Variants in ATP2A2 observed in about 807,000 individuals in gnomAD.
ATP2A2 encodes ATPase sarcoplasmic/endoplasmic reticulum Ca2+ transporting 2.
ATP2A2 carries 14 observed loss-of-function variants against 109.3 expected under a neutral mutation model. The observed-to-expected ratio is 0.13, with a 90% CI of 0.08 to 0.20. The LOEUF (loss-of-function observed/expected upper bound fraction) is 0.20. Among genes scored for constraint, ATP2A2 ranks in the 10% least tolerant of loss-of-function variants. ATP2A2 has a pLI of 1.00. For missense variants in ATP2A2, 657 were observed against 1,321.6 expected (o/e 0.50, Z 7.80); for synonymous variants, 506 against 490.9 (o/e 1.03, Z -0.41).
intron 5 of ATP2A2, among the ~76,000 whole-genome samples, chr12:110,317,167 A>G (rs1180969625): frequency 6.6e-6 from 1 of 152,142 alleles, no homozygotes; most frequent in Admixed American, 6.6e-5. Flanking sequence ...CACGGTGAAA[A>G]TTTTGAGTCA....
intron 16 of ATP2A2, among the ~76,000 whole-genome samples, chr12:110,344,249 G>A (rs975671836): frequency 6.6e-6 from 1 of 152,076 alleles, no homozygotes; most frequent in Non-Finnish European, 1.5e-5. Flanking sequence ...TGTTGTTTTT[G>A]ATGCTACCAC....
intron 5 of ATP2A2, among the ~76,000 whole-genome samples, chr12:110,302,705 T>A (rs1041875516): frequency 6.6e-6 from 1 of 152,032 alleles, no homozygotes; most frequent in African/African-American, 2.4e-5. Flanking sequence ...TTCAAGTGAT[T>A]CTTGTGCCTC....
intron 3 of ATP2A2, among the ~76,000 whole-genome samples, chr12:110,287,161 G>C (rs974546155): frequency 2.0e-5 from 3 of 152,136 alleles, no homozygotes; most frequent in African/African-American, 7.2e-5. Flanking sequence ...GCTGAGGCAG[G>C]AGAATCGCTT....
chr12:110,323,228 A>C (rs1020281297), intron 6 of ATP2A2, among the ~76,000 whole-genome samples, 156 bp downstream of exon 6: 1 of 152,208 alleles, frequency 6.6e-6, no homozygotes, highest in Non-Finnish European at 1.5e-5. Flanking sequence ...TCCATTGCCC[A>C]GGCTGGAGTG....
Position 110,347,865 on chromosome 12 carries a change from C to CACTA in ATP2A2, c.*1399_*1402dup, listed in dbSNP as rs1247839028. ...GCCACCAAGTGAGATAACTGTATGTCACTAACTTATAAGCCGCCTCCATGG... is the reference window on the plus strand; with the variant it reads ...GCCACCAAGTGAGATAACTGTATGTCACTAACTAACTTATAAGCCGCCTCCATGG... On this transcript the variant is annotated 3_prime_UTR_variant, in exon 20 of 20. Coordinates refer to ENST00000539276, the MANE Select transcript of ATP2A2 (RefSeq NM_170665.4). 9.9e-6 allele frequency: 10 copies of CACTA among 1,006,848 alleles called. No homozygotes were observed. Among genetic ancestry groups the CACTA allele is most frequent in the African/African-American group, 5.2e-5 (3 of 57,768 alleles). The allele number at this position is 1,006,848 out of a possible 1,614,324, so 62.4% of individuals were successfully genotyped here.
intron 6 of ATP2A2, among the ~76,000 whole-genome samples, chr12:110,323,874 T>C (rs1046089809): frequency 2.6e-5 from 4 of 152,248 alleles, no homozygotes; most frequent in Admixed American, 2.0e-4. Flanking sequence ...GCAAATTACT[T>C]ATTCGATGTC....
In ATP2A2 at chr12:110,340,141, A is replaced by G. The variant is rs3026477; in HGVS notation, c.1761+420A>G. On this transcript the variant is annotated intron_variant, in intron 13 of 19. Coordinates refer to ENST00000539276, the MANE Select transcript of ATP2A2 (RefSeq NM_170665.4). This position sits in a 1 kb window ranked among gnomAD's most constrained non-coding sequence, Gnocchi z 6.0. The stretch of plus-strand genomic sequence containing the variant: ...ATCAAGGATGTGACATCCTAAAGCT[A>G]TGAACAAAATGAAGAAGCTTTGGTA... 9.8e-5 allele frequency among the ~76,000 whole-genome samples: 15 copies of G among 152,340 alleles called. No individual in the cohort carries two copies. The highest frequency in any genetic ancestry group is 2.9e-4 in the African/African-American group (12 of 41,580).
At position 110,340,511 on chromosome 12, in the gene ATP2A2, C is replaced by T; in HGVS notation, c.1762-148C>T. 2 of 891,068 alleles carry T rather than the reference C, an allele frequency of 2.2e-6. No homozygotes were observed. The highest frequency in any genetic ancestry group is 3.4e-6 in the Non-Finnish European group (2 of 594,328). The allele number at this position is 891,068 out of a possible 1,614,324, so 55.2% of individuals were successfully genotyped here. A position where few individuals can be genotyped will look rare whatever the true frequency, so the allele number is the denominator to read the frequency against. Reference sequence around the variant, plus strand: ...TGAGATTGCGCCATGGCACTCCAGCCTGGGCAACAAGAGCGAAACTCCGCC... The same window carrying T: ...TGAGATTGCGCCATGGCACTCCAGCTTGGGCAACAAGAGCGAAACTCCGCC... On this transcript the variant is annotated intron_variant, in intron 13 of 19. Transcript: ENST00000539276. The surrounding 1 kb of genome is among the most constrained non-coding windows in gnomAD (Gnocchi z 6.0).
rs1880021104 is a variant in ATP2A2, at chr12:110,347,782, A to G, written c.*1312A>G. ...TTTCCTCCAATGCCTTCCAACATCCATCAACTAACGTGAGTATTTTCTTCC... is the reference window on the plus strand; with the variant it reads ...TTTCCTCCAATGCCTTCCAACATCCGTCAACTAACGTGAGTATTTTCTTCC... On this transcript the variant is annotated 3_prime_UTR_variant, in exon 20 of 20. Coordinates refer to ENST00000539276, the MANE Select transcript of ATP2A2 (RefSeq NM_170665.4). 1 of 1,062,954 alleles carries G rather than the reference A, an allele frequency of 9.4e-7. No individual in the cohort carries two copies. Among genetic ancestry groups the G allele is most frequent in the Non-Finnish European group, 1.1e-6 (1 of 875,510 alleles). The allele number at this position is 1,062,954 out of a possible 1,614,324, so 65.8% of individuals were successfully genotyped here. A position where few individuals can be genotyped will look rare whatever the true frequency, so the allele number is the denominator to read the frequency against.
intron 16 of ATP2A2, among the ~76,000 whole-genome samples, chr12:110,344,216 G>A (rs1221261743): frequency 1.3e-5 from 2 of 152,096 alleles, no homozygotes; most frequent in African/African-American, 2.4e-5. Context: ...ACTGTAATTC[G>A]TGGGTTAGTG....
chr12:110,288,302 C>G (rs1018781848), intron 3 of ATP2A2, among the ~76,000 whole-genome samples: 5 of 151,696 alleles, frequency 3.3e-5, no homozygotes, highest in Non-Finnish European at 7.4e-5. Context: ...TAGGGTCTCA[C>G]TATGTTACTC....
In ATP2A2 at chr12:110,342,482, C is replaced by T; in HGVS notation, c.2318+34C>T. 1 of 1,603,350 alleles carries T rather than the reference C, an allele frequency of 6.2e-7. No individual in the cohort carries two copies. Among genetic ancestry groups the T allele is most frequent in the Non-Finnish European group, 8.5e-7 (1 of 1,172,366 alleles). On this transcript the variant is annotated intron_variant, in intron 15 of 19. Transcript: ENST00000539276. The surrounding 1 kb of genome is among the most constrained non-coding windows in gnomAD (Gnocchi z 4.6). ...CTGTGACAGCATCACTTACTGTACG[C>T]CTTTATCTAAATGGGTCATGGAGCC...
chr12:110,283,262 G>A, intron 3 of ATP2A2, among the ~76,000 whole-genome samples: 1 of 152,318 alleles, frequency 6.6e-6, no homozygotes, highest in South Asian at 2.1e-4. Flanking sequence ...TGACAAGAAT[G>A]ATGACGGCTG....
In ATP2A2 at chr12:110,327,798, T is replaced by G. The variant is rs1877953089; in HGVS notation, c.876T>G (p.Ala292=). Reference sequence around the variant, plus strand: ...ATGGAGGGTCCTGGATCAGAGGTGCTATTTACTACTTTAAAATTGCAGTGG... The same window carrying G: ...ATGGAGGGTCCTGGATCAGAGGTGCGATTTACTACTTTAAAATTGCAGTGG... ...PVHGGSWIRG[A]IYYFKIAVAL... is the part of the protein sequence containing the mutation. The change falls in exon 8 of 20, where the codon GCT becomes GCG. Residue 292 remains alanine (A), a synonymous_variant. Coordinates refer to ENST00000539276, the MANE Select transcript of ATP2A2 (RefSeq NM_170665.4). The surrounding 1 kb of genome is among the most constrained non-coding windows in gnomAD (Gnocchi z 4.4). 6.2e-7 allele frequency: 1 copy of G among 1,614,184 alleles called. No individual in the cohort carries two copies. The highest frequency in any genetic ancestry group is 8.5e-7 in the Non-Finnish European group (1 of 1,180,036).
intron 5 of ATP2A2, among the ~76,000 whole-genome samples, chr12:110,302,527 A>C (rs1874774515): frequency 1.3e-5 from 2 of 152,022 alleles, no homozygotes; most frequent in South Asian, 4.2e-4. Flanking sequence ...ATTGCTAAAA[A>C]GCGTATATAT....
intron 3 of ATP2A2, among the ~76,000 whole-genome samples, chr12:110,283,267 C>T (rs1034496930): frequency 1.8e-4 from 27 of 152,178 alleles, no homozygotes; most frequent in Non-Finnish European, 2.8e-4. Context: ...AGAATGATGA[C>T]GGCTGTGATG....
intron 11 of ATP2A2, among the ~76,000 whole-genome samples, chr12:110,335,340 T>G (rs1878741745): frequency 6.6e-6 from 1 of 152,114 alleles, no homozygotes; most frequent in Non-Finnish European, 1.5e-5. Context: ...AAAAGACTGG[T>G]CCCCCTGCCT....
At chr12:110,336,395 A>G (rs945986939) in intron 11 of ATP2A2, among the ~76,000 whole-genome samples, 1 of 152,214 alleles carries the variant, frequency 6.6e-6, no homozygotes, top group African/African-American at 2.4e-5. Flanking sequence ...TGCTTTTTGT[A>G]TGTCATAAGC....
chr12:110,326,993 T>C, intron 7 of ATP2A2, among the ~76,000 whole-genome samples: 1 of 152,218 alleles, frequency 6.6e-6, no homozygotes, highest in South Asian at 2.1e-4. Flanking sequence ...TTTGTGGGTT[T>C]GTATGAGAAC....
Sources: allele counts gnomAD v4.1 joint callset (sites outside exome capture counted in the v4.1 genomes callset), GRCh38; gene constraint gnomAD v4.1.1; non-coding constraint Gnocchi (gnomAD v3.1); transcripts MANE v1.5; gene names NCBI Gene and HGNC (gene_info 2026-07-23, HGNC 2026-07-21).